TERT: variants seen among roughly 807,000 people sequenced by gnomAD.
TERT encodes the protein telomerase catalytic subunit.
TERT carries 42 observed loss-of-function variants against 104.0 expected under a neutral mutation model. The ratio of observed to expected loss-of-function variants is 0.40; its 90% CI spans 0.32 to 0.52. The LOEUF (loss-of-function observed/expected upper bound fraction) is 0.52. Ranked by LOEUF, TERT falls within the 20% of genes least tolerant of loss-of-function variation. The pLI is 0.43. For synonymous variants in TERT, 781 were observed against 725.6 expected, an observed-to-expected ratio of 1.08 and a Z score of -1.23; for missense variants, 1,101 against 1,610.3, an observed-to-expected ratio of 0.68 and a Z score of 5.41.
Position 1,266,493 on chromosome 5 carries a change from A to C in TERT, c.2625T>G (p.Pro875=). 1 of 1,610,634 alleles carries C rather than the reference A, an allele frequency of 6.2e-7. No individual in the cohort carries two copies. The highest frequency in any genetic ancestry group is 1.1e-5 in the South Asian group (1 of 89,998). ...RLVDDFLLVT[P]HLTHAKTFLR... Reference sequence around the variant, plus strand: ...GGAAGGTTTTCGCGTGGGTGAGGTGAGGTGTCACCAACAAGAAATCATCCA... The same window carrying C: ...GGAAGGTTTTCGCGTGGGTGAGGTGCGGTGTCACCAACAAGAAATCATCCA... Residue 875 remains proline (P), a synonymous_variant, in exon 10 of 16, where the codon CCT becomes CCG. Transcript: ENST00000310581.
Position 1,274,246 on chromosome 5 carries a change from A to T in TERT, c.2287-1966T>A, listed in dbSNP as rs1434471493. On this transcript the variant is annotated intron_variant, in intron 6 of 15. Coordinates refer to ENST00000310581, the MANE Select transcript of TERT (RefSeq NM_198253.3). The surrounding 1 kb of genome is among the most constrained non-coding windows in gnomAD (Gnocchi z 5.3). ...CTGAGAACCAACCTGGAAGGCAGTAACAGGAAGGTACATGGGGCCTGCACC... is the reference window on the plus strand; with the variant it reads ...CTGAGAACCAACCTGGAAGGCAGTATCAGGAAGGTACATGGGGCCTGCACC... Among the ~76,000 whole-genome samples, 1 of 152,226 alleles carries T rather than the reference A, an allele frequency of 6.6e-6. No individual in the cohort carries two copies. Among genetic ancestry groups the T allele is most frequent in the Admixed American group, 6.5e-5 (1 of 15,284 alleles).
At chr5:1,272,321 G>GT (rs1196688271) in intron 6 of TERT, 41 bp from the exon 7 acceptor site, 3 of 1,535,588 alleles carry the variant, frequency 2.0e-6, no homozygotes, top group Non-Finnish European at 2.7e-6. Flanking sequence ...AATGTGGCCT[G>GT]CCCCGGCCAG....
chr5:1,282,859 G>A (rs923391363), intron 2 of TERT: 4 of 589,920 alleles, frequency 6.8e-6, no homozygotes, highest in East Asian at 3.0e-5. Context: ...AGGGCCTGGC[G>A]AACTCACCCC....
Position 1,253,665 on chromosome 5 carries a change from G to A in TERT, c.*63C>T, listed in dbSNP as rs5031049. 3,112 of 1,435,942 alleles carry A rather than the reference G, an allele frequency of 2.2e-3. 49 individuals carry two copies. The African/African-American group carries it at 0.036, about 17-fold the overall frequency. 89.0% of individuals were successfully genotyped at this position (1,435,942 alleles called of 1,614,324 possible). A position where few individuals can be genotyped will look rare whatever the true frequency, so the allele number is the denominator to read the frequency against. ...TGGGCCGCCCCTCCCTCCCTGGGAC[G>A]TAGAGCCCGGCGTGACAGGGCTGCT... On this transcript the variant is annotated 3_prime_UTR_variant, in exon 16 of 16. Coordinates refer to ENST00000310581, the MANE Select transcript of TERT (RefSeq NM_198253.3).
At chr5:1,272,322 C>A (rs985284636) in intron 6 of TERT, 42 bp from the exon 7 acceptor site, 5 of 1,534,068 alleles carry the variant, frequency 3.3e-6, no homozygotes, top group Non-Finnish European at 4.5e-6. Context: ...ATGTGGCCTG[C>A]CCCGGCCAGA....
chr5:1,254,221 A>G, intron 15 of TERT, 147 bp downstream of exon 15: 1 of 1,052,262 alleles, frequency 9.5e-7, no homozygotes. Flanking sequence ...TTAATCACAT[A>G]GGGCTGCCAG....
Position 1,255,651 on chromosome 5 carries a change from T to G in TERT, c.3033-240A>C, listed in dbSNP as rs1000616596. ...ACTGCGTTTCTGTGCACCATCTGTA[T>G]GAACACGCATGTGGAGGCTGAAGCA... On this transcript the variant is annotated intron_variant, in intron 13 of 15. Transcript: ENST00000310581. The surrounding 1 kb of genome is among the most constrained non-coding windows in gnomAD (Gnocchi z 6.9). Among the ~76,000 whole-genome samples the G allele has an allele frequency of 6.6e-6, 1 of 152,224 alleles. No individual in the cohort carries two copies. The highest frequency in any genetic ancestry group is 1.5e-5 in the Non-Finnish European group (1 of 68,024).
In TERT at chr5:1,268,473, G is replaced by T; in HGVS notation, c.2582+47C>A. ...AATATTAACACTGAATGCATCAAAA[G>T]CAAATCAACCCCCACCCAAGCCCCC... is the stretch of plus-strand genomic sequence containing the variant. On this transcript the variant is annotated intron_variant, in intron 9 of 15. Coordinates refer to ENST00000310581, the MANE Select transcript of TERT (RefSeq NM_198253.3). This position sits in a 1 kb window ranked among gnomAD's most constrained non-coding sequence, Gnocchi z 5.5. 1 of 1,466,652 alleles carries T rather than the reference G, an allele frequency of 6.8e-7. No individual in the cohort carries two copies. Among genetic ancestry groups the T allele is most frequent in the Non-Finnish European group, 9.5e-7 (1 of 1,051,770 alleles). 90.9% of individuals were successfully genotyped at this position (1,466,652 alleles called of 1,614,324 possible). A position where few individuals can be genotyped will look rare whatever the true frequency, so the allele number is the denominator to read the frequency against.
rs1345780474 is a variant in TERT at position 1,273,027 on chromosome 5, G to A, written c.2287-747C>T. On this transcript the variant is annotated intron_variant, in intron 6 of 15. Coordinates refer to ENST00000310581, the MANE Select transcript of TERT (RefSeq NM_198253.3). Reference sequence around the variant, plus strand: ...TCACCACACATCAGACCCCACGACCGCCATCCACAGTCACCACACATCAGA... The same window carrying A: ...TCACCACACATCAGACCCCACGACCACCATCCACAGTCACCACACATCAGA... Among the ~76,000 whole-genome samples, 4 of 84,980 alleles carry A rather than the reference G, an allele frequency of 4.7e-5. 1 individual carries two copies. Among genetic ancestry groups the A allele is most frequent in the African/African-American group, 1.9e-4 (3 of 16,052 alleles). The allele number at this position is 84,980 out of a possible 152,430, so 55.8% of individuals were successfully genotyped here.
intron 6 of TERT, among the ~76,000 whole-genome samples, chr5:1,276,030 C>T (rs1237023583): frequency 2.8e-5 from 4 of 143,528 alleles, no homozygotes; most frequent in Non-Finnish European, 3.1e-5. Flanking sequence ...AAAACCAATC[C>T]CACAGATCCC....
At chr5:1,283,878 C>A (rs1561206448) in intron 2 of TERT, among the ~76,000 whole-genome samples, 3 of 150,420 alleles carry the variant, frequency 2.0e-5, no homozygotes, top group South Asian at 2.1e-4. Context: ...CACCGCACAT[C>A]CAGCTCACCG....
intron 11 of TERT, 69 bp from the exon 12 acceptor site, chr5:1,260,669 C>T (rs568511857): frequency 1.2e-6 from 2 of 1,602,120 alleles, no homozygotes; most frequent in African/African-American, 2.7e-5. Flanking sequence ...GCAAAGCTTG[C>T]TCCAAAGAGC....
At chr5:1,264,613 C>A (rs1748467306) in intron 10 of TERT, 21 bp from the exon 11 acceptor site, 1 of 1,613,224 alleles carries the variant, frequency 6.2e-7, no homozygotes, top group Admixed American at 1.7e-5. Context: ...GGGGCAATGT[C>A]AGCCCCAGGA....
chr5:1,291,533 C>G (rs1179551620), intron 2 of TERT, among the ~76,000 whole-genome samples: 9 of 72,568 alleles, frequency 1.2e-4, no homozygotes, highest in African/African-American at 1.3e-4. Flanking sequence ...CCTCACTCAC[C>G]CTACACGTGA....
chr5:1,271,285 TC>T, intron 7 of TERT, 81 bp from the exon 8 acceptor site: 2 of 993,002 alleles, frequency 2.0e-6, no homozygotes, highest in Middle Eastern at 2.1e-4. Context: ...AGACCCTCCG[TC>T]CCTTTTGGGG....
chr5:1,285,258 C>T (rs922877323), intron 2 of TERT, among the ~76,000 whole-genome samples: 35 of 152,178 alleles, frequency 2.3e-4, no homozygotes, highest in East Asian at 5.8e-4. Flanking sequence ...TCATCCCAGA[C>T]GTGCACCATC....
Position 1,287,361 on chromosome 5 carries a change from G to A in TERT, c.1574-4737C>T, listed in dbSNP as rs1386514099. Among the ~76,000 whole-genome samples, 2 of 151,938 alleles carry A rather than the reference G, an allele frequency of 1.3e-5. No homozygotes were observed. The highest frequency in any genetic ancestry group is 4.8e-5 in the African/African-American group (2 of 41,362). ...GAAAAAATTTAAAAATTAGCCAGGT[G>A]TAGCGGTGCGTGTCTGCAGTTCCAG... On this transcript the variant is annotated intron_variant, in intron 2 of 15. Coordinates refer to ENST00000310581, the MANE Select transcript of TERT (RefSeq NM_198253.3). The surrounding 1 kb of genome is among the most constrained non-coding windows in gnomAD (Gnocchi z 4.3).
At position 1,257,006 on chromosome 5, in the gene TERT, A is replaced by G. The variant is rs2126568185; in HGVS notation, c.3032+1592T>C. 6.6e-6 allele frequency among the ~76,000 whole-genome samples: 1 copy of G among 152,226 alleles called. No homozygotes were observed. The highest frequency in any genetic ancestry group is 6.5e-5 in the Admixed American group (1 of 15,306). On this transcript the variant is annotated intron_variant, in intron 13 of 15. Coordinates refer to ENST00000310581, the MANE Select transcript of TERT (RefSeq NM_198253.3). This position sits in a 1 kb window ranked among gnomAD's most constrained non-coding sequence, Gnocchi z 5.6. Reference sequence around the variant, plus strand: ...CCTGGCTGCCGTGAAATCGGGGCCCAGCTCTCCGTTCTCCCACTCCTGCCT... The same window carrying G: ...CCTGGCTGCCGTGAAATCGGGGCCCGGCTCTCCGTTCTCCCACTCCTGCCT...
intron 2 of TERT, among the ~76,000 whole-genome samples, chr5:1,293,084 C>T (rs1751093089): frequency 6.6e-6 from 1 of 152,246 alleles, no homozygotes; most frequent in African/African-American, 2.4e-5. Flanking sequence ...CGCCTGGAAA[C>T]CGCGTGTCCA....
Sources: allele counts gnomAD v4.1 joint callset (sites outside exome capture counted in the v4.1 genomes callset), GRCh38; gene constraint gnomAD v4.1.1; non-coding constraint Gnocchi (gnomAD v3.1); transcripts MANE v1.5; gene names NCBI Gene and HGNC (gene_info 2026-07-23, HGNC 2026-07-21).